GOLIM4: variants seen among roughly 807,000 people sequenced by gnomAD.
GOLIM4 encodes the protein 130 kDa golgi-localized phosphoprotein.
GOLIM4 carries 71 observed loss-of-function variants against 107.4 expected under a neutral mutation model. The observed-to-expected ratio is 0.66, with a 90% CI of 0.55 to 0.81. The LOEUF (loss-of-function observed/expected upper bound fraction) is 0.81. Ranked by LOEUF, GOLIM4 falls within the 30% of genes least tolerant of loss-of-function variation. The pLI is 0.00. For missense variants in GOLIM4, 830 were observed against 826.1 expected (o/e 1.00, Z -0.06); for synonymous variants, 327 against 294.8 (o/e 1.11, Z -1.12).
At chr3:168,040,613 G>T (rs1718930395) in intron 7 of GOLIM4, among the ~76,000 whole-genome samples, 173 bp downstream of exon 7, 1 of 152,160 alleles carries the variant, frequency 6.6e-6, no homozygotes, top group African/African-American at 2.4e-5. Context: ...ATAATCAAAA[G>T]TTTAATATCT....
chr3:168,011,366 T>C (rs1306470042), intron 14 of GOLIM4, among the ~76,000 whole-genome samples: 1 of 152,198 alleles, frequency 6.6e-6, no homozygotes, highest in Non-Finnish European at 1.5e-5. Context: ...CACGAGATTA[T>C]ATCCCGCACC....
intron 1 of GOLIM4, among the ~76,000 whole-genome samples, chr3:168,057,847 G>A (rs765914291): frequency 9.2e-5 from 14 of 151,904 alleles, no homozygotes; most frequent in African/African-American, 2.7e-4. Context: ...AGTGATATTC[G>A]ACAGCACTTG....
At chr3:168,020,673 C>T (rs955123997) in intron 14 of GOLIM4, among the ~76,000 whole-genome samples, 36 of 152,176 alleles carry the variant, frequency 2.4e-4, no homozygotes, top group African/African-American at 1.2e-4. Context: ...CTGATTTCAA[C>T]GACTCTTTAG....
chr3:168,071,739 G>A (rs1720839668), intron 1 of GOLIM4, among the ~76,000 whole-genome samples: 1 of 152,092 alleles, frequency 6.6e-6, no homozygotes, highest in South Asian at 2.1e-4. Context: ...GAGAAAGTAT[G>A]TGAGGGAGTG....
chr3:168,037,982 G>A (rs1020581651), intron 7 of GOLIM4, among the ~76,000 whole-genome samples: 1 of 152,192 alleles, frequency 6.6e-6, no homozygotes, highest in East Asian at 1.9e-4. Flanking sequence ...GGCGCAGCAG[G>A]TGAGTGGAGC....
chr3:168,084,124 G>C (rs1302576006), intron 1 of GOLIM4, among the ~76,000 whole-genome samples: 1 of 152,068 alleles, frequency 6.6e-6, no homozygotes, highest in African/African-American at 2.4e-5. Flanking sequence ...GATAGTGACT[G>C]AGTTCTCACA....
rs527387249 is a variant in GOLIM4 at position 168,085,967 on chromosome 3, T to C, written c.187+9132A>G. On this transcript the variant is annotated intron_variant, in intron 1 of 15. Transcript: ENST00000470487. The stretch of plus-strand genomic sequence containing the variant: ...ATACTTGAAGAATTATAGTTAAAGA[T>C]TGTATGGATACCTAAGGGGCCTCAC... 2.0e-5 allele frequency among the ~76,000 whole-genome samples: 3 copies of C among 152,254 alleles called. No homozygotes were observed. In the East Asian group the frequency reaches 5.8e-4, roughly 29 times the overall value.
chr3:168,029,686 C>A, intron 10 of GOLIM4, 94 bp downstream of exon 10: 2 of 1,456,760 alleles, frequency 1.4e-6, no homozygotes, highest in Non-Finnish European at 1.9e-6. Flanking sequence ...AGCCCCTTAA[C>A]TTCATGAATC....
intron 8 of GOLIM4, among the ~76,000 whole-genome samples, chr3:168,034,346 G>A (rs781599343): frequency 1.5e-4 from 23 of 152,160 alleles, no homozygotes; most frequent in Non-Finnish European, 2.2e-4. Flanking sequence ...TGAGTCACTG[G>A]AAGATTAATC....
chr3:168,040,146 T>C (rs916828550), intron 7 of GOLIM4, among the ~76,000 whole-genome samples: 3 of 152,330 alleles, frequency 2.0e-5, no homozygotes, highest in South Asian at 4.1e-4. Context: ...GAAATCTGCA[T>C]AACACTTAGC....
intron 5 of GOLIM4, among the ~76,000 whole-genome samples, chr3:168,042,258 G>A (rs997393601): frequency 6.6e-6 from 1 of 150,868 alleles, no homozygotes; most frequent in African/African-American, 2.4e-5. Flanking sequence ...TTTTTTGACA[G>A]AGTCTCTCTC....
Position 168,009,271 on chromosome 3 carries a change from T to C in GOLIM4, c.*998A>G, listed in dbSNP as rs543030560. On this transcript the variant is annotated 3_prime_UTR_variant, in exon 16 of 16. Transcript: ENST00000470487. The stretch of plus-strand genomic sequence containing the variant: ...TCATATCACCATATGTTTCACCATA[T>C]AGTTTTGAAAAATAATCCTATTTGC... The C allele has an allele frequency of 4.6e-5, 7 of 151,978 alleles. No individual in the cohort carries two copies. The South Asian group carries it at 1.5e-3, about 32-fold the overall frequency. 9.4% of individuals were successfully genotyped at this position (151,978 alleles called of 1,614,324 possible).
intron 1 of GOLIM4, among the ~76,000 whole-genome samples, chr3:168,078,100 T>C (rs368304757): frequency 6.6e-6 from 1 of 152,102 alleles, no homozygotes; most frequent in South Asian, 2.1e-4. Flanking sequence ...ACTTACTACT[T>C]TTGAATACCA....
chr3:168,033,749 C>A (rs1718482613), intron 8 of GOLIM4, among the ~76,000 whole-genome samples: 1 of 149,214 alleles, frequency 6.7e-6, no homozygotes, highest in South Asian at 2.1e-4. Context: ...TGTAAACCAG[C>A]AGGACTCTTT....
At chr3:168,040,913 G>T in intron 6 of GOLIM4, 44 bp from the exon 7 acceptor site, 1 of 1,272,516 alleles carries the variant, frequency 7.9e-7, no homozygotes, top group South Asian at 1.2e-5. Flanking sequence ...AACATTCTAC[G>T]ACAAATTCTT....
At chr3:168,018,831 G>GA (rs1717518255) in intron 14 of GOLIM4, among the ~76,000 whole-genome samples, 1 of 151,952 alleles carries the variant, frequency 6.6e-6, no homozygotes, top group African/African-American at 2.4e-5. Context: ...TGAGACTGGG[G>GA]GAAAAAACAG....
intron 7 of GOLIM4, among the ~76,000 whole-genome samples, chr3:168,039,368 A>G (rs1038816146): frequency 1.7e-4 from 25 of 150,634 alleles, no homozygotes; most frequent in Non-Finnish European, 4.4e-5. Context: ...GGTTCCAGTG[A>G]CTCTCCTGCC....
At chr3:168,018,983 C>CAAAAAAAA (rs201919414) in intron 14 of GOLIM4, among the ~76,000 whole-genome samples, 1 of 120,812 alleles carries the variant, frequency 8.3e-6, no homozygotes, top group African/African-American at 2.8e-5. Flanking sequence ...CTATGTAGCA[C>CAAAAAAAA]AAAAAAAAAA....
At chr3:168,083,899 A>C (rs1577577280) in intron 1 of GOLIM4, among the ~76,000 whole-genome samples, 1 of 152,324 alleles carries the variant, frequency 6.6e-6, no homozygotes, top group East Asian at 1.9e-4. Flanking sequence ...TTCAATTCTA[A>C]TGAAGATAAT....
Sources: gnomAD v4.1 joint callset for allele counts (sites outside exome capture counted in the v4.1 genomes callset) on GRCh38, gnomAD v4.1.1 for gene constraint, MANE v1.5 for transcripts, NCBI Gene and HGNC (gene_info 2026-07-23, HGNC 2026-07-21) for gene names.